The following FN1 variants were observed in gnomAD, a reference collection of about 807,000 sequenced individuals.
FN1 encodes fibronectin 1.
Under a neutral mutation model 297.3 loss-of-function variants are expected in FN1, and 106 were observed. That is an observed-to-expected ratio of 0.36 (90% CI 0.30 to 0.42). The LOEUF (loss-of-function observed/expected upper bound fraction) is 0.42, where lower values mean the gene tolerates loss of function less well. Among genes scored for constraint, FN1 ranks in the 10% least tolerant of loss-of-function variants. FN1 has a pLI of 1.00. For synonymous variants in FN1, 1,149 were observed against 1,152.6 expected, an observed-to-expected ratio of 1.00 and a Z score of 0.06; for missense variants, 2,690 against 3,124.9, an observed-to-expected ratio of 0.86 and a Z score of 3.32.
At chr2:215,433,839 C>T (rs1452401239) in intron 2 of FN1, among the ~76,000 whole-genome samples, 2 of 152,238 alleles carry the variant, frequency 1.3e-5, no homozygotes, top group Non-Finnish European at 2.9e-5. Flanking sequence ...CAGTGGCTCA[C>T]GCCTGTAATC....
chr2:215,375,437 A>C (rs1281758402), intron 37 of FN1, 44 bp from the exon 38 acceptor site: 2 of 1,565,012 alleles, frequency 1.3e-6, no homozygotes, highest in Non-Finnish European at 1.8e-6. Flanking sequence ...CAAATAACCA[A>C]GAAAATTACT....
intron 20 of FN1, among the ~76,000 whole-genome samples, chr2:215,402,291 C>T (rs141180572): frequency 3.9e-4 from 60 of 152,222 alleles, no homozygotes; most frequent in Middle Eastern, 3.4e-3. Flanking sequence ...AACCCACAAA[C>T]GATGTCAAAC....
At position 215,376,481 on chromosome 2, in the gene FN1, G is replaced by A; in HGVS notation, c.5887+17C>T. 1.2e-6 allele frequency: 2 copies of A among 1,611,658 alleles called. No homozygotes were observed. The highest frequency in any genetic ancestry group is 1.7e-6 in the Non-Finnish European group (2 of 1,177,742). ...GTATTTGTTAACAAATGTGGTTAGT[G>A]CAATGAGTTCCCTGACCTGTGATGG... is the stretch of plus-strand genomic sequence containing the variant. On this transcript the variant is annotated intron_variant, in intron 36 of 45. Transcript: ENST00000354785.
At chr2:215,379,025 G>A (rs541839915) in intron 34 of FN1, 105 bp downstream of exon 34, 3 of 1,056,188 alleles carry the variant, frequency 2.8e-6, no homozygotes, top group East Asian at 4.9e-5. Context: ...TGATGCAGAG[G>A]AAAAGAACAG....
At chr2:215,393,952 G>A (rs970165528) in intron 24 of FN1, among the ~76,000 whole-genome samples, 1 of 152,154 alleles carries the variant, frequency 6.6e-6, no homozygotes, top group African/African-American at 2.4e-5. Context: ...CCTTTGCAAT[G>A]TTGTCTTTCA....
At chr2:215,424,981 G>T in intron 7 of FN1, 113 bp downstream of exon 7, 1 of 930,872 alleles carries the variant, frequency 1.1e-6, no homozygotes, top group African/African-American at 1.6e-5. Flanking sequence ...ATCACAGGGT[G>T]GTAAGATTAC....
chr2:215,412,631 T>C (rs2106329543), intron 13 of FN1, among the ~76,000 whole-genome samples: 1 of 152,246 alleles, frequency 6.6e-6, no homozygotes, highest in Non-Finnish European at 1.5e-5. Flanking sequence ...CAGACAAAGT[T>C]GAGGATTTAG....
chr2:215,377,307 C>G (rs908981818), intron 35 of FN1, among the ~76,000 whole-genome samples: 4 of 152,084 alleles, frequency 2.6e-5, no homozygotes, highest in Non-Finnish European at 5.9e-5. Flanking sequence ...GGATATTTGT[C>G]CCTGTCCAAA....
chr2:215,375,226 C>A lies in FN1; in HGVS notation c.6145G>T (p.Ala2049Ser), dbSNP rs1320430548. The change falls in exon 38 of 46, where the codon GCT becomes TCT. Residue 2049 changes from alanine (A) to serine (S), a missense_variant. Coordinates refer to ENST00000354785, the MANE Select transcript of FN1 (RefSeq NM_212482.4). ...GAAGCAGCAATACCAGTAATAGTAGCCTCTGTGACACCAGGGCGGGGCCGA... is the reference window on the plus strand; with the variant it reads ...GAAGCAGCAATACCAGTAATAGTAGACTCTGTGACACCAGGGCGGGGCCGA... Reference protein sequence around the residue: ...VPRPRPGVTEATITGLEPGTE... With the variant: ...VPRPRPGVTESTITGLEPGTE... 6.2e-7 allele frequency: 1 copy of A among 1,614,098 alleles called. No individual in the cohort carries two copies. The highest frequency in any genetic ancestry group is 8.5e-7 in the Non-Finnish European group (1 of 1,179,998).
chr2:215,365,022 G>C, intron 43 of FN1, 37 bp from the exon 44 acceptor site: 1 of 1,344,768 alleles, frequency 7.4e-7, no homozygotes, highest in Non-Finnish European at 1.0e-6. Flanking sequence ...CGCATAAGCT[G>C]AGAACAATAC....
chr2:215,405,290 T>C (rs911657310), intron 19 of FN1, among the ~76,000 whole-genome samples: 2 of 152,188 alleles, frequency 1.3e-5, no homozygotes, highest in Non-Finnish European at 2.9e-5. Flanking sequence ...ACCTTTCAAA[T>C]AGAGGAAATC....
At chr2:215,398,372 A>G (rs1255415201) in intron 21 of FN1, among the ~76,000 whole-genome samples, 1 of 152,246 alleles carries the variant, frequency 6.6e-6, no homozygotes, top group Non-Finnish European at 1.5e-5. Context: ...TAGAATAACT[A>G]TGCCCATAAT....
At chr2:215,426,161 T>G in intron 6 of FN1, among the ~76,000 whole-genome samples, 1 of 144,208 alleles carries the variant, frequency 6.9e-6, no homozygotes, top group Non-Finnish European at 1.5e-5. Flanking sequence ...TTTTTTTTTT[T>G]TTTTTGAGAC....
intron 21 of FN1, among the ~76,000 whole-genome samples, chr2:215,398,274 C>A (rs1373857557): frequency 2.6e-5 from 4 of 152,174 alleles, no homozygotes; most frequent in African/African-American, 9.7e-5. Flanking sequence ...GGCACCAGCC[C>A]CTGTAGCAAC....
Position 215,435,652 on chromosome 2 carries a change from C to T in FN1, c.148+3G>A, listed in dbSNP as rs370340259. On this transcript the variant is annotated splice_donor_region_variant and intron_variant, in intron 1 of 45. Coordinates refer to ENST00000354785, the MANE Select transcript of FN1 (RefSeq NM_212482.4). The stretch of plus-strand genomic sequence containing the variant: ...CCTGTTTCAGCCCGCGGTCAGTACT[C>T]ACGCTTGCTTTGACTGACAGCCACC... 90 of 1,613,478 alleles carry T rather than the reference C, an allele frequency of 5.6e-5. No homozygotes were observed. The highest frequency in any genetic ancestry group is 7.4e-5 in the Non-Finnish European group (87 of 1,179,990).
chr2:215,409,854 G>C (rs2062334725), intron 14 of FN1, 80 bp downstream of exon 14: 1 of 1,595,376 alleles, frequency 6.3e-7, no homozygotes, highest in Non-Finnish European at 8.6e-7. Context: ...AATATGAATT[G>C]AGAAGGAAAG....
At chr2:215,393,259 A>T (rs2059923332) in intron 24 of FN1, 56 bp from the exon 25 acceptor site, 6 of 1,576,962 alleles carry the variant, frequency 3.8e-6, no homozygotes, top group Non-Finnish European at 2.6e-6. Context: ...GAGGGAAAAA[A>T]AGAGGAAAAA....
In FN1 at chr2:215,433,409, G is replaced by A. The variant is rs1355817510; in HGVS notation, c.330C>T (p.Asp110=). Residue 110 remains aspartate (D), a synonymous_variant, in exon 3 of 46, where the codon GAC becomes GAT. Coordinates refer to ENST00000354785, the MANE Select transcript of FN1 (RefSeq NM_212482.4). Reference sequence around the variant, plus strand: ...TGGAGTCTTTAGGACGCTCATAAGTGTCACCCACTCGGTAAGTGTTCCCAG... The same window carrying A: ...TGGAGTCTTTAGGACGCTCATAAGTATCACCCACTCGGTAAGTGTTCCCAG... ...KYTGNTYRVG[D]TYERPKDSMI... The A allele has an allele frequency of 1.9e-6, 3 of 1,614,028 alleles. No individual in the cohort carries two copies. Among genetic ancestry groups the A allele is most frequent in the East Asian group, 2.2e-5 (1 of 44,896 alleles).
rs1015956735 is a variant in FN1, at chr2:215,435,999, G to T, written c.-197C>A. On this transcript the variant is annotated 5_prime_UTR_variant, in exon 1 of 46. Coordinates refer to ENST00000354785, the MANE Select transcript of FN1 (RefSeq NM_212482.4). ...GCAGAGGACCAGAGAAGTTGTGGCTGCAGGTCCCCTCTTCCCGCTCGCGCC... is the reference window on the plus strand; with the variant it reads ...GCAGAGGACCAGAGAAGTTGTGGCTTCAGGTCCCCTCTTCCCGCTCGCGCC... The T allele has an allele frequency of 8.2e-7, 1 of 1,226,936 alleles. No individual in the cohort carries two copies. Among genetic ancestry groups the T allele is most frequent in the African/African-American group, 1.5e-5 (1 of 65,874 alleles). 76.0% of individuals were successfully genotyped at this position (1,226,936 alleles called of 1,614,324 possible). A position where few individuals can be genotyped will look rare whatever the true frequency, so the allele number is the denominator to read the frequency against.
Sources: allele counts gnomAD v4.1 joint callset (sites outside exome capture counted in the v4.1 genomes callset), GRCh38; gene constraint gnomAD v4.1.1; transcripts MANE v1.5; gene names NCBI Gene and HGNC (gene_info 2026-07-23, HGNC 2026-07-21).